JAK1: variants seen among roughly 807,000 people sequenced by gnomAD.
JAK1 encodes tyrosine-protein kinase JAK1.
In JAK1, 16 loss-of-function variants were observed where a neutral mutation model predicts 136.6. The observed-to-expected ratio is 0.12, with a 90% CI of 0.08 to 0.18. The LOEUF is 0.18. JAK1 is among the 10% of genes least tolerant of loss of function. The pLI is 1.00. For missense variants in JAK1, 859 were observed against 1,450.1 expected (o/e 0.59, Z 6.62); for synonymous variants, 492 against 519.5 (o/e 0.95, Z 0.72).
intron 1 of JAK1, among the ~76,000 whole-genome samples, chr1:64,889,747 G>T (rs184043618): frequency 6.6e-6 from 1 of 152,278 alleles, no homozygotes; most frequent in Non-Finnish European, 1.5e-5. Flanking sequence ...ATTTTCAAGG[G>T]CATCTTTTGA....
In JAK1 at chr1:64,844,841, G is replaced by A. The variant is rs2100995605; in HGVS notation, c.2164C>T (p.Leu722=). The change falls in exon 16 of 25, where the codon CTG becomes TTG. Residue 722 remains leucine, a synonymous_variant. Coordinates refer to ENST00000342505, the MANE Select transcript of JAK1 (RefSeq NM_002227.4). The surrounding 1 kb of genome is among the most constrained non-coding windows in gnomAD (Gnocchi z 5.7). ...HGNVCTKNLL[L]AREGIDSECG... ...TCACTGTCGATGCCCTCACGGGCCA[G>A]GAGGAGGTTTTTAGTACACACATTT... 1 of 1,614,222 alleles carries A rather than the reference G, an allele frequency of 6.2e-7. No individual in the cohort carries two copies. The highest frequency in any genetic ancestry group is 2.2e-5 in the East Asian group (1 of 44,878).
chr1:64,840,115 A>C (rs998117497), intron 19 of JAK1, among the ~76,000 whole-genome samples: 4 of 152,250 alleles, frequency 2.6e-5, no homozygotes, highest in Non-Finnish European at 4.4e-5. Flanking sequence ...GTTCTCTAAA[A>C]GCCCTGGGCT....
chr1:64,845,735 C>A (rs34599518), intron 14 of JAK1, 95 bp from the exon 15 acceptor site: 14 of 1,483,168 alleles, frequency 9.4e-6, no homozygotes, highest in Non-Finnish European at 1.2e-5. Context: ...GGACACTACT[C>A]GGCCTCAGAG....
chr1:65,053,496 TA>T (rs1410224348), intron 1 of JAK1, among the ~76,000 whole-genome samples: 6 of 152,184 alleles, frequency 3.9e-5, no homozygotes, highest in Non-Finnish European at 8.8e-5. Flanking sequence ...CTCTGAAGTG[TA>T]AAAACGTAAG....
At chr1:65,008,734 C>T (rs573038412) in intron 2 of JAK1, among the ~76,000 whole-genome samples, 2 of 151,914 alleles carry the variant, frequency 1.3e-5, no homozygotes, top group Non-Finnish European at 2.9e-5. Flanking sequence ...GTTGCCCTGG[C>T]TGGAGTGCAG....
At chr1:64,987,266 A>G (rs1399927192) in intron 2 of JAK1, 1 of 152,180 alleles carries the variant, frequency 6.6e-6, no homozygotes, top group African/African-American at 2.4e-5. Flanking sequence ...ACCCTACCTT[A>G]TCCCAGGCTG....
At chr1:64,837,820 AC>A in intron 22 of JAK1, 111 bp downstream of exon 22, 1 of 838,796 alleles carries the variant, frequency 1.2e-6, no homozygotes, top group Admixed American at 2.7e-5. Context: ...ACCTTCTCTA[AC>A]CTTGAGTCAG....
chr1:64,869,301 G>GA lies in JAK1; in HGVS notation c.647+9dup. 6.2e-7 allele frequency: 1 copy of GA among 1,611,934 alleles called. No homozygotes were observed. The highest frequency in any genetic ancestry group is 8.5e-7 in the Non-Finnish European group (1 of 1,178,656). Reference sequence around the variant, plus strand: ...TCACAATCAATTCTTCAGCCAGTGGGAAGCTTTACCTGATGTCCTTGGGCA... The same window carrying GA: ...TCACAATCAATTCTTCAGCCAGTGGGAAAGCTTTACCTGATGTCCTTGGGCA... On this transcript the variant is annotated intron_variant, in intron 6 of 24. Coordinates refer to ENST00000342505, the MANE Select transcript of JAK1 (RefSeq NM_002227.4).
intron 1 of JAK1, among the ~76,000 whole-genome samples, chr1:65,058,683 G>A (rs962275232): frequency 1.3e-5 from 2 of 152,130 alleles, no homozygotes; most frequent in African/African-American, 4.8e-5. Context: ...ATATTAAAAG[G>A]CCCAGTTGAA....
chr1:65,063,565 A>G lies in JAK1; in HGVS notation c.-181+4039T>C, dbSNP rs1647905635. ...ATGCCTGTAATCCCAGCAGTTTGGG[A>G]GGCCAAGGCGGATGGATCACCCGAG... On this transcript the variant is annotated intron_variant, in intron 1 of 25. Transcript: ENST00000671954. 2.0e-5 allele frequency among the ~76,000 whole-genome samples: 3 copies of G among 152,198 alleles called. No individual in the cohort carries two copies. The South Asian group carries it at 6.2e-4, about 31-fold the overall frequency.
intron 1 of JAK1, among the ~76,000 whole-genome samples, chr1:64,891,366 A>G (rs1644933560): frequency 6.6e-6 from 1 of 152,156 alleles, no homozygotes; most frequent in Non-Finnish European, 1.5e-5. Flanking sequence ...CTGGTTTTTT[A>G]GTACTTTTCA....
intron 2 of JAK1, 57 bp downstream of exon 2, chr1:64,886,202 A>G (rs1330715715): frequency 8.6e-7 from 1 of 1,166,598 alleles, no homozygotes; most frequent in Non-Finnish European, 1.3e-6. Flanking sequence ...ACACGGTTTC[A>G]TCAATTTTTT....
chr1:64,879,678 T>G (rs1644739185), intron 3 of JAK1, among the ~76,000 whole-genome samples: 1 of 152,358 alleles, frequency 6.6e-6, no homozygotes, highest in Non-Finnish European at 1.5e-5. Context: ...AAAGTGATTT[T>G]TGTCAGTGAT....
intron 2 of JAK1, chr1:64,985,285 T>C: frequency 6.2e-7 from 1 of 1,609,620 alleles, no homozygotes; most frequent in African/African-American, 1.3e-5. Context: ...ATGGAAATGA[T>C]GATGGGCTGT....
chr1:65,026,193 C>T (rs1470402900), intron 2 of JAK1, among the ~76,000 whole-genome samples: 5 of 152,196 alleles, frequency 3.3e-5, no homozygotes, highest in Non-Finnish European at 4.4e-5. Flanking sequence ...CCAGATGGGA[C>T]TGCAGAGATT....
chr1:64,929,178 C>T (rs1645645550), intron 1 of JAK1, among the ~76,000 whole-genome samples: 1 of 152,212 alleles, frequency 6.6e-6, no homozygotes, highest in Admixed American at 6.5e-5. Context: ...ATGCTCTTAT[C>T]ACAGGGGAAT....
rs562586724 is a variant in JAK1 at position 64,834,134 on chromosome 1, A to G, written c.*428T>C. ...TAAGTCCATCAATCTTTCTTTATCTATGATTAATGTGCCAGCAAAACATTT... is the reference window on the plus strand; with the variant it reads ...TAAGTCCATCAATCTTTCTTTATCTGTGATTAATGTGCCAGCAAAACATTT... On this transcript the variant is annotated 3_prime_UTR_variant, in exon 25 of 25. Transcript: ENST00000342505. 4.0e-6 allele frequency: 1 copy of G among 248,202 alleles called. No individual in the cohort carries two copies. The highest frequency in any genetic ancestry group is 4.9e-5 in the Admixed American group (1 of 20,448). The allele number at this position is 248,202 out of a possible 1,614,324, so 15.4% of individuals were successfully genotyped here. A position where few individuals can be genotyped will look rare whatever the true frequency, so the allele number is the denominator to read the frequency against.
chr1:64,834,363 CA>C lies in JAK1; in HGVS notation c.*198del. 4.8e-6 allele frequency: 2 copies of C among 417,252 alleles called. No individual in the cohort carries two copies. The highest frequency in any genetic ancestry group is 7.8e-5 in the Admixed American group (2 of 25,750). 25.8% of individuals were successfully genotyped at this position (417,252 alleles called of 1,614,324 possible). A position where few individuals can be genotyped will look rare whatever the true frequency, so the allele number is the denominator to read the frequency against. ...TTATGTGTCACTAAGTTACTGGTAC[CA>C]AATTTAAAGAGGAAGTCCTTACACA... is the stretch of plus-strand genomic sequence containing the variant. On this transcript the variant is annotated 3_prime_UTR_variant, in exon 25 of 25. Transcript: ENST00000342505.
intron 11 of JAK1, among the ~76,000 whole-genome samples, chr1:64,853,581 TTAC>T (rs1251388771): frequency 1.3e-5 from 2 of 152,132 alleles, no homozygotes; most frequent in East Asian, 1.9e-4. Context: ...TTATTAATTA[TTAC>T]TACTGTTCTA....
Sources: allele counts gnomAD v4.1 joint callset (sites outside exome capture counted in the v4.1 genomes callset), GRCh38; gene constraint gnomAD v4.1.1; non-coding constraint Gnocchi (gnomAD v3.1); transcripts MANE v1.5; gene names NCBI Gene and HGNC (gene_info 2026-07-23, HGNC 2026-07-21).